Variants in ST6GALNAC3 observed in about 807,000 individuals in gnomAD.
The protein encoded by ST6GALNAC3 is alpha-N-acetylgalactosaminide alpha-2,6-sialyltransferase 3.
Under a neutral mutation model 32.7 loss-of-function variants are expected in ST6GALNAC3, and 25 were observed. The observed-to-expected ratio is 0.76, with a 90% CI of 0.56 to 1.07. The LOEUF (loss-of-function observed/expected upper bound fraction) is 1.07. ST6GALNAC3 is among the 50% of genes least tolerant of loss of function. The probability of loss-of-function intolerance (pLI) is 0.00; values close to 1 mark genes in which losing one functional copy is unlikely to be tolerated. For synonymous variants in ST6GALNAC3, 129 were observed against 133.1 expected, an observed-to-expected ratio of 0.97 and a Z score of 0.21; for missense variants, 355 against 382.4, an observed-to-expected ratio of 0.93 and a Z score of 0.60.
intron 3 of ST6GALNAC3, among the ~76,000 whole-genome samples, chr1:76,429,408 A>T (rs954363602): frequency 3.3e-5 from 5 of 152,194 alleles, no homozygotes; most frequent in Non-Finnish European, 5.9e-5. Flanking sequence ...ACATGGTGCT[A>T]GTATTTACTA....
intron 1 of ST6GALNAC3, among the ~76,000 whole-genome samples, chr1:76,089,589 A>C (rs944089446): frequency 1.3e-5 from 2 of 152,236 alleles, no homozygotes; most frequent in African/African-American, 4.8e-5. Context: ...TTTTATACAA[A>C]TAAGTTATTA....
chr1:76,152,199 A>G (rs1479976754), intron 1 of ST6GALNAC3, among the ~76,000 whole-genome samples: 4 of 152,144 alleles, frequency 2.6e-5, no homozygotes, highest in Admixed American at 6.5e-5. Context: ...TTTATTATTC[A>G]TATCTTTTTG....
intron 3 of ST6GALNAC3, among the ~76,000 whole-genome samples, chr1:76,499,083 T>C (rs145261041): frequency 4.0e-4 from 61 of 152,164 alleles, no homozygotes; most frequent in African/African-American, 1.4e-3. Flanking sequence ...AAATACAAAA[T>C]AGGCAAAGAA....
At chr1:76,457,577 C>T (rs1254588800) in intron 3 of ST6GALNAC3, among the ~76,000 whole-genome samples, 16 of 151,286 alleles carry the variant, frequency 1.1e-4, no homozygotes, top group Non-Finnish European at 8.8e-5. Flanking sequence ...AGAAATAATG[C>T]CGCATATCTA....
chr1:76,530,479 T>C (rs1448656435), intron 3 of ST6GALNAC3, among the ~76,000 whole-genome samples: 1 of 152,108 alleles, frequency 6.6e-6, no homozygotes, highest in Non-Finnish European at 1.5e-5. Flanking sequence ...AGTCCAGCTA[T>C]AGTAAAAAAG....
chr1:76,239,723 C>CAACATGAGAT (rs758752767), intron 1 of ST6GALNAC3, among the ~76,000 whole-genome samples: 1 of 152,170 alleles, frequency 6.6e-6, no homozygotes, highest in Non-Finnish European at 1.5e-5. Flanking sequence ...GATCACATTT[C>CAACATGAGAT]AACATGAGAT....
intron 1 of ST6GALNAC3, among the ~76,000 whole-genome samples, chr1:76,104,814 G>A (rs1407950538): frequency 6.6e-6 from 1 of 152,108 alleles, no homozygotes; most frequent in Admixed American, 6.5e-5. Context: ...CAATCGTGGT[G>A]GAAGGTGAAA....
At chr1:76,320,360 A>G (rs1227012259) in intron 2 of ST6GALNAC3, among the ~76,000 whole-genome samples, 1 of 152,170 alleles carries the variant, frequency 6.6e-6, no homozygotes, top group African/African-American at 2.4e-5. Context: ...TCTGGATTCA[A>G]TACCTTTAGT....
intron 1 of ST6GALNAC3, among the ~76,000 whole-genome samples, chr1:76,112,103 G>T (rs1368586477): frequency 6.8e-6 from 1 of 146,092 alleles, no homozygotes; most frequent in Non-Finnish European, 1.5e-5. Flanking sequence ...CGGGGCGGCT[G>T]GCCGGGCGGG....
At chr1:76,304,382 A>G (rs1291735680) in intron 1 of ST6GALNAC3, among the ~76,000 whole-genome samples, 5 of 150,914 alleles carry the variant, frequency 3.3e-5, no homozygotes, top group Non-Finnish European at 7.4e-5. Flanking sequence ...TTCTTTCTCC[A>G]TCCACCCCAT....
chr1:76,184,519 G>GCGCGCA lies in ST6GALNAC3; in HGVS notation c.18+109636_18+109637insGCGCAC, dbSNP rs1335590722. Among the ~76,000 whole-genome samples, 295 of 134,176 alleles carry GCGCGCA rather than the reference G, an allele frequency of 2.2e-3. 5 individuals carry two copies. Among genetic ancestry groups the GCGCGCA allele is most frequent in the African/African-American group, 7.9e-3 (275 of 34,800 alleles). 88.0% of individuals were successfully genotyped at this position (134,176 alleles called of 152,430 possible). A position where few individuals can be genotyped will look rare whatever the true frequency, so the allele number is the denominator to read the frequency against. On this transcript the variant is annotated intron_variant, in intron 1 of 4. Coordinates refer to ENST00000328299, the MANE Select transcript of ST6GALNAC3 (RefSeq NM_152996.4). Reference sequence around the variant, plus strand: ...GTGCCACTGCATTCCCTCCTGGGCAGCACACACACACACACACACACACAC... The same window carrying GCGCGCA: ...GTGCCACTGCATTCCCTCCTGGGCAGCGCGCACACACACACACACACACACACACAC...
intron 1 of ST6GALNAC3, among the ~76,000 whole-genome samples, chr1:76,248,718 C>A (rs1395555727): frequency 1.3e-5 from 2 of 152,088 alleles, no homozygotes; most frequent in East Asian, 3.9e-4. Context: ...CCTTTTCCTT[C>A]CCTTTTACCT....
intron 1 of ST6GALNAC3, among the ~76,000 whole-genome samples, chr1:76,221,765 C>T (rs954644120): frequency 4.6e-5 from 7 of 152,158 alleles, no homozygotes; most frequent in Non-Finnish European, 1.5e-5. Context: ...AGATTGGCCT[C>T]TTTATGCTCC....
chr1:76,619,428 C>G (rs1648497196), intron 3 of ST6GALNAC3, among the ~76,000 whole-genome samples: 1 of 152,074 alleles, frequency 6.6e-6, no homozygotes, highest in Admixed American at 6.6e-5. Context: ...TAGTTTATAA[C>G]ACAGATGAGC....
intron 3 of ST6GALNAC3, among the ~76,000 whole-genome samples, chr1:76,574,289 GC>G (rs77355671): frequency 0.2 from 29,845 of 151,898 alleles, 3,043 homozygotes; most frequent in Middle Eastern, 0.27. Flanking sequence ...AGTCTTATAA[GC>G]CTTGTTTCTA....
chr1:76,433,835 T>C (rs1333572278), intron 3 of ST6GALNAC3, among the ~76,000 whole-genome samples: 1 of 152,226 alleles, frequency 6.6e-6, no homozygotes, highest in African/African-American at 2.4e-5. Context: ...GTACCCTTTG[T>C]TCAATATGAC....
intron 2 of ST6GALNAC3, among the ~76,000 whole-genome samples, chr1:76,328,581 T>C (rs1364850621): frequency 6.6e-6 from 1 of 152,258 alleles, no homozygotes; most frequent in East Asian, 1.9e-4. Flanking sequence ...GTATGTTTCA[T>C]ACCTGCTTGT....
chr1:76,112,076 C>A (rs1286885603), intron 1 of ST6GALNAC3, among the ~76,000 whole-genome samples: 1 of 149,894 alleles, frequency 6.7e-6, no homozygotes, highest in South Asian at 2.1e-4. Flanking sequence ...GGCTGACCCC[C>A]CCACCTCCCT....
chr1:76,293,110 A>G (rs1453424005), intron 1 of ST6GALNAC3, among the ~76,000 whole-genome samples: 2 of 152,218 alleles, frequency 1.3e-5, no homozygotes, highest in African/African-American at 4.8e-5. Context: ...AGTAATATAA[A>G]GGAAACATTT....
Sources: allele counts gnomAD v4.1 joint callset (sites outside exome capture counted in the v4.1 genomes callset), GRCh38; gene constraint gnomAD v4.1.1; transcripts MANE v1.5; gene names NCBI Gene and HGNC (gene_info 2026-07-23, HGNC 2026-07-21).